The following RPTOR variants were observed in gnomAD, a reference collection of about 807,000 sequenced individuals.
The protein encoded by RPTOR is regulatory-associated protein of mTOR.
In RPTOR, 21 loss-of-function variants were observed where a neutral mutation model predicts 169.9. The observed-to-expected ratio is 0.12, with a 90% CI of 0.09 to 0.18. The LOEUF is 0.18. Ranked by LOEUF, RPTOR falls within the 10% of genes least tolerant of loss-of-function variation. The pLI is 1.00. For synonymous variants in RPTOR, 732 were observed against 753.2 expected (o/e 0.97, Z 0.46); for missense variants, 1,133 against 1,855.9 (o/e 0.61, Z 7.16).
At chr17:80,758,445 G>A (rs992142324) in intron 6 of RPTOR, among the ~76,000 whole-genome samples, 12 of 152,290 alleles carry the variant, frequency 7.9e-5, no homozygotes, top group African/African-American at 2.9e-4. Context: ...GCACAAGAGA[G>A]CCCCTGAAGC....
At chr17:80,724,868 G>A (rs576577001) in intron 4 of RPTOR, among the ~76,000 whole-genome samples, 3 of 152,310 alleles carry the variant, frequency 2.0e-5, no homozygotes, top group African/African-American at 7.2e-5. Context: ...CGGGGTGGCG[G>A]CACCGTGTCG....
rs1247276749 is a variant in RPTOR at position 80,730,834 on chromosome 17, G to A, written c.654+128G>A. The A allele has an allele frequency of 1.6e-5, 15 of 932,076 alleles. No individual in the cohort carries two copies. The highest frequency in any genetic ancestry group is 3.2e-5 in the African/African-American group (2 of 61,774). The allele number at this position is 932,076 out of a possible 1,614,324, so 57.7% of individuals were successfully genotyped here. A position where few individuals can be genotyped will look rare whatever the true frequency, so the allele number is the denominator to read the frequency against. On this transcript the variant is annotated intron_variant, in intron 5 of 33. Transcript: ENST00000306801. The surrounding 1 kb of genome is among the most constrained non-coding windows in gnomAD (Gnocchi z 4.2). Reference sequence around the variant, plus strand: ...TGGAGCAGGGCTCAGAATGCCAAGGGCAGGATGGCATATTCAATGCTGTTG... The same window carrying A: ...TGGAGCAGGGCTCAGAATGCCAAGGACAGGATGGCATATTCAATGCTGTTG...
At chr17:80,761,707 C>G (rs1598287344) in intron 6 of RPTOR, among the ~76,000 whole-genome samples, 1 of 152,210 alleles carries the variant, frequency 6.6e-6, no homozygotes, top group East Asian at 1.9e-4. Context: ...AAGGAGTCTT[C>G]TAAAATACAT....
intron 23 of RPTOR, among the ~76,000 whole-genome samples, chr17:80,924,667 G>A (rs552824133): frequency 2.0e-5 from 3 of 151,942 alleles, no homozygotes; most frequent in East Asian, 3.9e-4. Flanking sequence ...CCGACCCCCC[G>A]GGGTGGGGGG....
At chr17:80,816,632 A>G (rs2067326150) in intron 7 of RPTOR, among the ~76,000 whole-genome samples, 1 of 152,034 alleles carries the variant, frequency 6.6e-6, no homozygotes, top group Non-Finnish European at 1.5e-5. Context: ...GCCAGGGGAG[A>G]GACAGTCAGG....
At position 80,737,809 on chromosome 17, in the gene RPTOR, G is replaced by GCCCC. The variant is rs71163994; in HGVS notation, c.654+7107_654+7110dup. 1.3e-3 allele frequency among the ~76,000 whole-genome samples: 170 copies of GCCCC among 133,108 alleles called. 3 individuals carry two copies. The highest frequency in any genetic ancestry group is 4.7e-3 in the African/African-American group (146 of 31,170). The allele number at this position is 133,108 out of a possible 152,430, so 87.3% of individuals were successfully genotyped here. A position where few individuals can be genotyped will look rare whatever the true frequency, so the allele number is the denominator to read the frequency against. ...TTCTTTCTCTCTCTTTTTCTCCCCC[G>GCCCC]CCCCCCCGCCACACTCACTCCACCA... is the stretch of plus-strand genomic sequence containing the variant. On this transcript the variant is annotated intron_variant, in intron 5 of 33. Transcript: ENST00000306801.
At chr17:80,701,671 T>C (rs1420387540) in intron 3 of RPTOR, among the ~76,000 whole-genome samples, 1 of 152,170 alleles carries the variant, frequency 6.6e-6, no homozygotes, top group Admixed American at 6.5e-5. Flanking sequence ...GGCATTTCGG[T>C]TTGTTGGATC....
chr17:80,796,405 G>A (rs1404960011), intron 7 of RPTOR, among the ~76,000 whole-genome samples: 3 of 152,180 alleles, frequency 2.0e-5, no homozygotes, highest in Non-Finnish European at 2.9e-5. Flanking sequence ...TGGCTAGGGA[G>A]GCCTCAGGAA....
chr17:80,585,199 ATTATTT>A (rs1357807131), intron 1 of RPTOR, among the ~76,000 whole-genome samples: 1 of 39,304 alleles, frequency 2.5e-5, no homozygotes, highest in African/African-American at 1.1e-4. Context: ...TATTATTATT[ATTATTT>A]TTGTTTTTTT....
chr17:80,774,885 C>T (rs1171644811), intron 6 of RPTOR, among the ~76,000 whole-genome samples: 3 of 152,322 alleles, frequency 2.0e-5, no homozygotes, highest in South Asian at 4.1e-4. Flanking sequence ...GCCCCTCTGC[C>T]GTGGAAGGTT....
chr17:80,569,017 AT>A (rs896237941), intron 1 of RPTOR, among the ~76,000 whole-genome samples: 20 of 151,898 alleles, frequency 1.3e-4, no homozygotes, highest in East Asian at 7.7e-4. Flanking sequence ...TTCAGATGCT[AT>A]TTTTTTTCTT....
At chr17:80,946,033 G>C (rs1270938071) in intron 26 of RPTOR, among the ~76,000 whole-genome samples, 2 of 152,188 alleles carry the variant, frequency 1.3e-5, no homozygotes, top group Non-Finnish European at 2.9e-5. Flanking sequence ...CTGCAGGTCA[G>C]AGGGGAGTGG....
At chr17:80,697,704 A>G (rs2066049054) in intron 3 of RPTOR, among the ~76,000 whole-genome samples, 1 of 152,206 alleles carries the variant, frequency 6.6e-6, no homozygotes, top group Non-Finnish European at 1.5e-5. Flanking sequence ...TGGTGAGGAC[A>G]CTGGGCTGAG....
chr17:80,625,267 T>G (rs9319606), intron 1 of RPTOR, among the ~76,000 whole-genome samples: 71,421 of 152,220 alleles, frequency 0.47, 18,771 homozygotes, highest in African/African-American at 0.72. Flanking sequence ...CTTTTCTCAT[T>G]AAATGATTGA....
intron 30 of RPTOR, 105 bp from the exon 31 acceptor site, chr17:80,961,289 G>A (rs1271437831): frequency 1.6e-5 from 17 of 1,079,566 alleles, no homozygotes; most frequent in African/African-American, 1.2e-4. Flanking sequence ...GAGGGCCTGC[G>A]GACCCGCTGG....
At chr17:80,663,052 C>G (rs1453758463) in intron 3 of RPTOR, among the ~76,000 whole-genome samples, 1 of 152,174 alleles carries the variant, frequency 6.6e-6, no homozygotes, top group African/African-American at 2.4e-5. Context: ...TTACCTTTTT[C>G]TACAGTGACC....
intron 1 of RPTOR, among the ~76,000 whole-genome samples, chr17:80,577,451 A>AT (rs371617686): frequency 5.7e-4 from 87 of 151,580 alleles, no homozygotes; most frequent in African/African-American, 1.6e-3. Context: ...CAAGTTTTAC[A>AT]TTTTTTTTAT....
intron 3 of RPTOR, among the ~76,000 whole-genome samples, chr17:80,673,009 C>A (rs1278837169): frequency 6.6e-6 from 1 of 152,066 alleles, no homozygotes; most frequent in Non-Finnish European, 1.5e-5. Context: ...TCACTGCAAC[C>A]TCCACCTCCC....
intron 3 of RPTOR, among the ~76,000 whole-genome samples, chr17:80,679,732 A>T (rs74000898): frequency 6.6e-6 from 1 of 152,030 alleles, no homozygotes; most frequent in Admixed American, 6.5e-5. Flanking sequence ...ATTAATATTT[A>T]TGTATTTATT....
Sources: gnomAD v4.1 joint callset for allele counts (sites outside exome capture counted in the v4.1 genomes callset) on GRCh38, gnomAD v4.1.1 for gene constraint, Gnocchi (gnomAD v3.1) non-coding constraint, MANE v1.5 for transcripts, NCBI Gene and HGNC (gene_info 2026-07-23, HGNC 2026-07-21) for gene names.